The following COL13A1 variants were observed in gnomAD, a reference collection of about 807,000 sequenced individuals.
The protein encoded by COL13A1 is collagen type XIII alpha 1 chain.
Under a neutral mutation model 130.9 loss-of-function variants are expected in COL13A1, and 89 were observed. The observed-to-expected ratio is 0.68, with a 90% CI of 0.57 to 0.81. The LOEUF (loss-of-function observed/expected upper bound fraction) is 0.81, where lower values mean the gene tolerates loss of function less well. Ranked by LOEUF, COL13A1 falls within the 30% of genes least tolerant of loss-of-function variation. The pLI is 0.00. For missense variants in COL13A1, 879 were observed against 934.6 expected (o/e 0.94, Z 0.78); for synonymous variants, 402 against 341.6 (o/e 1.18, Z -1.95).
intron 34 of COL13A1, among the ~76,000 whole-genome samples, chr10:69,939,497 A>AT: frequency 6.6e-6 from 1 of 152,318 alleles, no homozygotes; most frequent in East Asian, 1.9e-4. Flanking sequence ...TTAATGCTGC[A>AT]TTTTTTTAAA....
At chr10:69,925,646 T>C (rs1280704439) in intron 25 of COL13A1, among the ~76,000 whole-genome samples, 158 bp from the exon 26 acceptor site, 1 of 152,254 alleles carries the variant, frequency 6.6e-6, no homozygotes, top group Non-Finnish European at 1.5e-5. Context: ...CCGAGCATCC[T>C]CTGAGAGTGT....
chr10:69,826,435 G>T (rs532291284), intron 2 of COL13A1, among the ~76,000 whole-genome samples: 2 of 152,318 alleles, frequency 1.3e-5, no homozygotes, highest in Non-Finnish European at 2.9e-5. Flanking sequence ...GGGGTGATGT[G>T]GTCAGGCTTG....
At chr10:69,917,826 T>C (rs190739975) in intron 18 of COL13A1, among the ~76,000 whole-genome samples, 1 of 152,158 alleles carries the variant, frequency 6.6e-6, no homozygotes, top group East Asian at 1.9e-4. Flanking sequence ...GGGGCGACTG[T>C]CCCTGGTGAA....
intron 17 of COL13A1, among the ~76,000 whole-genome samples, chr10:69,912,594 G>A (rs1305149787): frequency 1.3e-5 from 2 of 148,652 alleles, no homozygotes; most frequent in Non-Finnish European, 3.0e-5. Flanking sequence ...TCTCAGGCGG[G>A]CCTTCCTCCT....
In COL13A1 at chr10:69,918,305, G is replaced by A. The variant is rs1326434593; in HGVS notation, c.987G>A (p.Val329=). ...HGAKGAPGIA[V]AGMKGEPGIP... Reference sequence around the variant, plus strand: ...GCCAGGGGGCGCCCGGAATTGCCGTGGCTGGGATGAAGGTCAGTGGACTGT... The same window carrying A: ...GCCAGGGGGCGCCCGGAATTGCCGTAGCTGGGATGAAGGTCAGTGGACTGT... Residue 329 remains valine (V), a synonymous_variant, in exon 19 of 41, where the codon GTG becomes GTA. Transcript: ENST00000645393. 6.2e-7 allele frequency: 1 copy of A among 1,613,156 alleles called. No individual in the cohort carries two copies.
At chr10:69,892,940 G>A (rs181805288) in intron 10 of COL13A1, among the ~76,000 whole-genome samples, 109 of 152,180 alleles carry the variant, frequency 7.2e-4, no homozygotes, top group Non-Finnish European at 1.1e-3. Context: ...CTGAAACTCC[G>A]CCTGCCCCTC....
chr10:69,905,702 A>AG (rs545830758), intron 16 of COL13A1, 85 bp from the exon 17 acceptor site: 483 of 1,464,980 alleles, frequency 3.3e-4, no homozygotes, highest in Non-Finnish European at 4.3e-4. Flanking sequence ...CGAGAGGAAG[A>AG]GGGATGGTAT....
intron 39 of COL13A1, chr10:69,956,776 C>T (rs186388127): frequency 1.8e-4 from 95 of 527,756 alleles, no homozygotes; most frequent in African/African-American, 1.6e-3. Context: ...CCCCTATTGA[C>T]GTTGCACTAT....
intron 2 of COL13A1, among the ~76,000 whole-genome samples, chr10:69,838,805 G>A (rs1443402347): frequency 6.6e-6 from 1 of 152,230 alleles, no homozygotes; most frequent in Non-Finnish European, 1.5e-5. Flanking sequence ...AATGGGGTGA[G>A]GCGTGGCTTC....
chr10:69,854,088 C>T (rs1369196191), intron 2 of COL13A1, among the ~76,000 whole-genome samples: 4 of 152,246 alleles, frequency 2.6e-5, no homozygotes, highest in Non-Finnish European at 4.4e-5. Flanking sequence ...CTGGACTCCT[C>T]GGCCTCCCGA....
rs953823168 is a variant in COL13A1 at position 69,802,002 on chromosome 10, A to G, written c.-422A>G. On this transcript the variant is annotated 5_prime_UTR_variant, in exon 1 of 41. It removes an upstream start codon present in the reference 5' UTR. Transcript: ENST00000645393. Reference sequence around the variant, plus strand: ...CAGCCGCCACGACCCACCTCTGCCCATGGGGCCCTCCGTGTGCGCCCCTTC... The same window carrying G: ...CAGCCGCCACGACCCACCTCTGCCCGTGGGGCCCTCCGTGTGCGCCCCTTC... The G allele has an allele frequency of 5.4e-5, 9 of 167,422 alleles. No individual in the cohort carries two copies. The highest frequency in any genetic ancestry group is 1.8e-4 in the East Asian group (1 of 5,624). 10.4% of individuals were successfully genotyped at this position (167,422 alleles called of 1,614,324 possible).
intron 5 of COL13A1, 149 bp from the exon 6 acceptor site, chr10:69,877,890 T>C (rs1016047303): frequency 9.5e-6 from 6 of 631,594 alleles, no homozygotes; most frequent in Non-Finnish European, 1.7e-5. Context: ...ATCTGTGTTT[T>C]GCTTTGTTTC....
At chr10:69,824,222 T>A (rs1846918008) in intron 2 of COL13A1, 1 of 460,288 alleles carries the variant, frequency 2.2e-6, no homozygotes, top group Non-Finnish European at 4.5e-6. Context: ...TAGCATCTTC[T>A]CTGATTCCTA....
chr10:69,929,277 G>A (rs139345907), intron 28 of COL13A1, among the ~76,000 whole-genome samples: 1,993 of 151,826 alleles, frequency 0.013, 43 homozygotes, highest in African/African-American at 0.046. Context: ...GACCCACAGC[G>A]GGAGTGAGGA....
At position 69,874,817 on chromosome 10, in the gene COL13A1, G is replaced by A. The variant is rs547167824; in HGVS notation, c.400-311G>A. On this transcript the variant is annotated intron_variant, in intron 4 of 40. Transcript: ENST00000645393. The stretch of plus-strand genomic sequence containing the variant: ...GAATTGATGCAACAGTGAAGTCTAA[G>A]GGAGCAAGGGCCTTGGAAAGGCATA... Among the ~76,000 whole-genome samples, 4 of 152,300 alleles carry A rather than the reference G, an allele frequency of 2.6e-5. No individual in the cohort carries two copies. In the East Asian group the frequency reaches 5.8e-4, roughly 22 times the overall value.
At chr10:69,808,522 C>A (rs1046064668) in intron 1 of COL13A1, among the ~76,000 whole-genome samples, 1 of 152,234 alleles carries the variant, frequency 6.6e-6, no homozygotes, top group African/African-American at 2.4e-5. Flanking sequence ...AGGTAGGCCT[C>A]GGAATCCTTC....
chr10:69,932,494 G>A (rs374106470), intron 30 of COL13A1, 66 bp from the exon 31 acceptor site: 9 of 1,135,904 alleles, frequency 7.9e-6, no homozygotes, highest in Non-Finnish European at 1.1e-5. Context: ...TCACAGATGT[G>A]AGGGTGCGTC....
intron 13 of COL13A1, chr10:69,897,387 T>G (rs1589375029): frequency 7.4e-7 from 1 of 1,345,816 alleles, no homozygotes; most frequent in Non-Finnish European, 1.0e-6. Flanking sequence ...AGGAGAGGGG[T>G]GGGGAGCAGG....
At chr10:69,875,315 G>A (rs937337716) in intron 5 of COL13A1, among the ~76,000 whole-genome samples, 152 bp downstream of exon 5, 2 of 152,166 alleles carry the variant, frequency 1.3e-5, no homozygotes, top group Non-Finnish European at 2.9e-5. Context: ...CTTTAGGGAG[G>A]GAGAAGAAAG....
Sources: allele counts gnomAD v4.1 joint callset (sites outside exome capture counted in the v4.1 genomes callset), GRCh38; gene constraint gnomAD v4.1.1; transcripts MANE v1.5; gene names NCBI Gene and HGNC (gene_info 2026-07-23, HGNC 2026-07-21).